The following PPA2 variants were observed in gnomAD, a reference collection of about 807,000 sequenced individuals.
PPA2 encodes inorganic pyrophosphatase 2.
In PPA2, 48 loss-of-function variants were observed where a neutral mutation model predicts 49.5. The observed-to-expected ratio is 0.97, with a 90% confidence interval of 0.77 to 1.23. The LOEUF is 1.23. Ranked by LOEUF, PPA2 falls within the 50% of genes most tolerant of loss-of-function variation. The pLI is 0.00. For synonymous variants in PPA2, 131 were observed against 139.9 expected (o/e 0.94, Z 0.45); for missense variants, 429 against 410.1 (o/e 1.05, Z -0.40).
intron 10 of PPA2, among the ~76,000 whole-genome samples, chr4:105,382,509 C>T (rs1400368643): frequency 6.6e-6 from 1 of 152,054 alleles, no homozygotes; most frequent in Admixed American, 6.6e-5. Flanking sequence ...ATCTGAAAGG[C>T]AAATCATGTC....
chr4:105,413,706 T>C (rs1261639246), intron 7 of PPA2, among the ~76,000 whole-genome samples: 1 of 152,154 alleles, frequency 6.6e-6, no homozygotes, highest in African/African-American at 2.4e-5. Flanking sequence ...TGTTCAGCAG[T>C]GTTAGAAAAA....
intron 7 of PPA2, among the ~76,000 whole-genome samples, chr4:105,404,517 C>A (rs1347557602): frequency 6.6e-6 from 1 of 152,092 alleles, no homozygotes; most frequent in Non-Finnish European, 1.5e-5. Context: ...TGGAATCAGA[C>A]AGCACTAAGT....
chr4:105,392,458 C>T (rs756160610), intron 9 of PPA2, among the ~76,000 whole-genome samples: 3 of 151,724 alleles, frequency 2.0e-5, no homozygotes, highest in African/African-American at 4.8e-5. Flanking sequence ...GGATCACCTG[C>T]GGTCAGGAGT....
intron 7 of PPA2, among the ~76,000 whole-genome samples, chr4:105,400,441 C>T (rs1332028889): frequency 6.6e-6 from 1 of 151,968 alleles, no homozygotes; most frequent in Non-Finnish European, 1.5e-5. Flanking sequence ...ACCAGTCTGG[C>T]CAACATGGTG....
rs1722756922 is a variant in PPA2, at chr4:105,453,628, A to G, written c.237T>C (p.Pro79=). The change falls in exon 3 of 12, where the codon CCT becomes CCC. Residue 79 remains proline, a synonymous_variant. Coordinates refer to ENST00000341695, the MANE Select transcript of PPA2 (RefSeq NM_176869.3). ...KVNSKEENGI[P]MKKARNDEYE... is the part of the protein sequence containing the mutation. The stretch of plus-strand genomic sequence containing the variant: ...ATTCATCATTTCGTGCTTTCTTCAT[A>G]GGAATGCCATTTTCCTATAAAAGAA... 1 of 1,607,170 alleles carries G rather than the reference A, an allele frequency of 6.2e-7. No homozygotes were observed. Among genetic ancestry groups the G allele is most frequent in the Non-Finnish European group, 8.5e-7 (1 of 1,176,760 alleles).
At chr4:105,393,357 G>A (rs764858423) in intron 9 of PPA2, among the ~76,000 whole-genome samples, 1 of 151,668 alleles carries the variant, frequency 6.6e-6, no homozygotes, top group African/African-American at 2.4e-5. Flanking sequence ...AGCCAGGTGT[G>A]GTGGTGCATG....
intron 1 of PPA2, among the ~76,000 whole-genome samples, chr4:105,470,654 A>C (rs1482928203): frequency 3.3e-5 from 5 of 152,270 alleles, no homozygotes; most frequent in African/African-American, 1.2e-4. Flanking sequence ...AATGTCTTAA[A>C]GTCAAAAGGG....
At chr4:105,409,239 G>T (rs1242536013) in intron 7 of PPA2, among the ~76,000 whole-genome samples, 1 of 152,222 alleles carries the variant, frequency 6.6e-6, no homozygotes, top group East Asian at 1.9e-4. Context: ...GGCAGACCAT[G>T]GAATTCCCTT....
intron 2 of PPA2, chr4:105,453,971 GTCATT>G: frequency 5.1e-6 from 1 of 196,374 alleles, no homozygotes; most frequent in Non-Finnish European, 1.0e-5. Context: ...GCTTAAAACA[GTCATT>G]TCATTATTGA....
intron 6 of PPA2, among the ~76,000 whole-genome samples, chr4:105,434,441 A>G (rs913907479): frequency 1.3e-5 from 2 of 152,304 alleles, no homozygotes; most frequent in Non-Finnish European, 2.9e-5. Flanking sequence ...GCAATATCCT[A>G]AGACATTTTG....
In PPA2 at chr4:105,438,051, T is replaced by A. The variant is rs551515553; in HGVS notation, c.442-15A>T. 3.1e-4 allele frequency: 476 copies of A among 1,559,192 alleles called. No individual in the cohort carries two copies. Among genetic ancestry groups the A allele is most frequent in the East Asian group, 1.0e-3 (46 of 44,040 alleles). On this transcript the variant is annotated splice_polypyrimidine_tract_variant and intron_variant, in intron 5 of 11. Coordinates refer to ENST00000341695, the MANE Select transcript of PPA2 (RefSeq NM_176869.3). The stretch of plus-strand genomic sequence containing the variant: ...TCTTCCCAAGTCTAAAATTTTTTTT[T>A]TAAAAAAAAGCAGAAATGTAAGTTA...
intron 10 of PPA2, among the ~76,000 whole-genome samples, chr4:105,381,625 C>A (rs1264650138): frequency 6.6e-6 from 1 of 151,978 alleles, no homozygotes; most frequent in African/African-American, 2.4e-5. Flanking sequence ...ACAAAATTAT[C>A]AATTCATCTG....
In PPA2 at chr4:105,450,756, C is replaced by T. The variant is rs1443901811; in HGVS notation, c.268-1353G>A. Reference sequence around the variant, plus strand: ...CCGAGTAGCTGGGACTACAGGCACCCGCCACCACTTCCGGCTAATTTTTTG... The same window carrying T: ...CCGAGTAGCTGGGACTACAGGCACCTGCCACCACTTCCGGCTAATTTTTTG... On this transcript the variant is annotated intron_variant, in intron 3 of 11. Coordinates refer to ENST00000341695, the MANE Select transcript of PPA2 (RefSeq NM_176869.3). Among the ~76,000 whole-genome samples, 5 of 152,052 alleles carry T rather than the reference C, an allele frequency of 3.3e-5. No homozygotes were observed. In the South Asian group the frequency reaches 6.2e-4, roughly 19 times the overall value.
At chr4:105,371,997 C>T (rs1173654679) in intron 10 of PPA2, among the ~76,000 whole-genome samples, 1 of 152,162 alleles carries the variant, frequency 6.6e-6, no homozygotes, top group Admixed American at 6.6e-5. Flanking sequence ...ATCTAGGCAC[C>T]TTTTACCTCC....
intron 6 of PPA2, among the ~76,000 whole-genome samples, chr4:105,436,965 C>T (rs1031507561): frequency 6.6e-6 from 1 of 152,016 alleles, no homozygotes; most frequent in Admixed American, 6.6e-5. Flanking sequence ...CAAAAATAGA[C>T]AAATTTAACT....
rs184783386 is a variant in PPA2, at chr4:105,460,048, G to A, written c.158-3303C>T. ...ACAAAAAAAGTAAATTTTACTGTAGGTAATTTTAAAAATAAGTAAATATGG... is the reference window on the plus strand; with the variant it reads ...ACAAAAAAAGTAAATTTTACTGTAGATAATTTTAAAAATAAGTAAATATGG... On this transcript the variant is annotated intron_variant, in intron 1 of 11. Transcript: ENST00000341695. 2.8e-3 allele frequency among the ~76,000 whole-genome samples: 427 copies of A among 152,286 alleles called. 2 individuals carry two copies. Among genetic ancestry groups the A allele is most frequent in the Middle Eastern group, 6.8e-3 (2 of 294 alleles).
At chr4:105,473,578 G>T in intron 1 of PPA2, 1 of 573,076 alleles carries the variant, frequency 1.7e-6, no homozygotes, top group South Asian at 1.5e-5. Flanking sequence ...GGCCGCCGCG[G>T]GGTGGCCGCT....
At chr4:105,444,520 TTAG>T (rs1457439462) in intron 5 of PPA2, among the ~76,000 whole-genome samples, 2 of 152,176 alleles carry the variant, frequency 1.3e-5, no homozygotes, top group African/African-American at 4.8e-5. Flanking sequence ...TTCTGTTTTA[TTAG>T]TAGAAGAACT....
intron 9 of PPA2, among the ~76,000 whole-genome samples, chr4:105,388,411 T>G (rs1733766612): frequency 6.6e-6 from 1 of 152,034 alleles, no homozygotes; most frequent in Admixed American, 6.6e-5. Flanking sequence ...TATTTAAAAT[T>G]TTATTTTAAT....
Sources: gnomAD v4.1 joint callset for allele counts (sites outside exome capture counted in the v4.1 genomes callset) on GRCh38, gnomAD v4.1.1 for gene constraint, MANE v1.5 for transcripts, NCBI Gene and HGNC (gene_info 2026-07-23, HGNC 2026-07-21) for gene names.